PSMC1: variants seen among roughly 807,000 people sequenced by gnomAD.
PSMC1 encodes 26S proteasome regulatory subunit 4.
Under a neutral mutation model 49.8 loss-of-function variants are expected in PSMC1, and 5 were observed. The observed-to-expected ratio is 0.10, with a 90% CI of 0.05 to 0.21. The LOEUF (loss-of-function observed/expected upper bound fraction) is 0.21, where lower values mean the gene tolerates loss of function less well. Ranked by LOEUF, PSMC1 falls within the 10% of genes least tolerant of loss-of-function variation. The pLI, the probability that PSMC1 is intolerant of heterozygous loss-of-function variation, is 1.00. For missense variants in PSMC1, 181 were observed against 535.7 expected (o/e 0.34, Z 6.54); for synonymous variants, 155 against 192.1 (o/e 0.81, Z 1.60).
chr14:90,269,780 A>G (rs774580836), intron 9 of PSMC1: 6 of 438,922 alleles, frequency 1.4e-5, no homozygotes, highest in African/African-American at 4.0e-5. Context: ...TTTCTTTTCC[A>G]TAACATTCCC....
At position 90,256,615 on chromosome 14, in the gene PSMC1, G is replaced by T; in HGVS notation, c.3+15G>T. 1.9e-6 allele frequency: 3 copies of T among 1,588,038 alleles called. No homozygotes were observed. Among genetic ancestry groups the T allele is most frequent in the Non-Finnish European group, 2.6e-6 (3 of 1,166,922 alleles). ...AAGGCAAGATGGTGAGTGACTAAGG[G>T]TTTCTTTCCGCTGGTCGTCGCGGTG... On this transcript the variant is annotated intron_variant, in intron 1 of 10. Coordinates refer to ENST00000261303, the MANE Select transcript of PSMC1 (RefSeq NM_002802.3).
intron 1 of PSMC1, among the ~76,000 whole-genome samples, chr14:90,257,676 T>G (rs1373627481): frequency 2.6e-5 from 4 of 152,196 alleles, no homozygotes; most frequent in Non-Finnish European, 5.9e-5. Context: ...TGGCGCGATC[T>G]CCGCCTCCCG....
At chr14:90,266,779 G>C (rs1891527526) in intron 7 of PSMC1, among the ~76,000 whole-genome samples, 1 of 152,192 alleles carries the variant, frequency 6.6e-6, no homozygotes, top group Non-Finnish European at 1.5e-5. Flanking sequence ...CCACTGGAAA[G>C]GTCCTATTTG....
At position 90,272,659 on chromosome 14, in the gene PSMC1, C is replaced by A; in HGVS notation, c.*252C>A. 3 of 327,626 alleles carry A rather than the reference C, an allele frequency of 9.2e-6. No homozygotes were observed. The highest frequency in any genetic ancestry group is 1.8e-5 in the Non-Finnish European group (3 of 169,406). 20.3% of individuals were successfully genotyped at this position (327,626 alleles called of 1,614,324 possible). ...TTCTGCAGTCTCCACACACACCTAC[C>A]GCTCAACAGCAGCCTGTGGGTGGAC... is the stretch of plus-strand genomic sequence containing the variant. On this transcript the variant is annotated 3_prime_UTR_variant, in exon 11 of 11. Coordinates refer to ENST00000261303, the MANE Select transcript of PSMC1 (RefSeq NM_002802.3). The surrounding 1 kb of genome is among the most constrained non-coding windows in gnomAD (Gnocchi z 4.5).
At chr14:90,264,533 G>A (rs1891466922) in intron 6 of PSMC1, among the ~76,000 whole-genome samples, 1 of 152,212 alleles carries the variant, frequency 6.6e-6, no homozygotes, top group Non-Finnish European at 1.5e-5. Context: ...CAGCAGTGGG[G>A]TTGGAGCATA....
rs1224907437 is a variant in PSMC1, at chr14:90,272,066, G to A, written c.1189-207G>A. ...TGCCACCGTCCCTGGCTAACTTTTT[G>A]TATTTTTAGTAGAGATGGGGTTTCA... is the stretch of plus-strand genomic sequence containing the variant. On this transcript the variant is annotated intron_variant, in intron 10 of 10. Transcript: ENST00000261303. This position sits in a 1 kb window ranked among gnomAD's most constrained non-coding sequence, Gnocchi z 4.5. 2 of 391,588 alleles carry A rather than the reference G, an allele frequency of 5.1e-6. No homozygotes were observed. The highest frequency in any genetic ancestry group is 4.3e-5 in the African/African-American group (2 of 46,104). The allele number at this position is 391,588 out of a possible 1,614,324, so 24.3% of individuals were successfully genotyped here.
rs985368290 is a variant in PSMC1 at position 90,274,774 on chromosome 14, TTAAA to T, written c.*2370_*2373del. 25 of 135,918 alleles carry T rather than the reference TTAAA, an allele frequency of 1.8e-4. No homozygotes were observed. The highest frequency in any genetic ancestry group is 5.8e-4 in the African/African-American group (21 of 36,118). The allele number at this position is 135,918 out of a possible 1,614,324, so 8.4% of individuals were successfully genotyped here. On this transcript the variant is annotated 3_prime_UTR_variant, in exon 11 of 11. Transcript: ENST00000261303. ...TATTAATGGAATACAGTATAGCCCT[TTAAA>T]TAGGGAACTACACACACACACACAC...
chr14:90,270,666 G>T (rs1323128752), intron 10 of PSMC1: 2 of 224,654 alleles, frequency 8.9e-6, no homozygotes, highest in Non-Finnish European at 1.7e-5. Context: ...TCAGGGGAAG[G>T]GTATGTCCTG....
intron 1 of PSMC1, among the ~76,000 whole-genome samples, chr14:90,258,898 A>G (rs1043347702): frequency 6.6e-6 from 1 of 152,154 alleles, no homozygotes; most frequent in African/African-American, 2.4e-5. Flanking sequence ...CTACTTCTCA[A>G]TAGAGTTGTT....
intron 2 of PSMC1, 83 bp from the exon 3 acceptor site, chr14:90,260,032 A>T: frequency 2.5e-6 from 2 of 814,628 alleles, no homozygotes; most frequent in Non-Finnish European, 3.7e-6. Flanking sequence ...ACCTGAAAAT[A>T]GATGATGGTG....
intron 9 of PSMC1, 34 bp downstream of exon 9, chr14:90,269,582 AT>A (rs765987807): frequency 6.2e-7 from 1 of 1,605,354 alleles, no homozygotes; most frequent in Non-Finnish European, 8.5e-7. Flanking sequence ...ATGGAGATTA[AT>A]GTGTTTATAT....
chr14:90,263,197 A>C, intron 3 of PSMC1, 121 bp from the exon 4 acceptor site: 1 of 1,061,214 alleles, frequency 9.4e-7, no homozygotes, highest in Non-Finnish European at 1.3e-6. Flanking sequence ...TAGAGTTACC[A>C]AACTGAATTT....
intron 10 of PSMC1, chr14:90,271,892 ATTTTT>A (rs58641715): frequency 0.26 from 36,471 of 140,074 alleles, 5,040 homozygotes; most frequent in Middle Eastern, 0.43. Flanking sequence ...TTCAGAACAG[ATTTTT>A]TTTTTTTTTT....
At chr14:90,264,618 C>G (rs1891468749) in intron 6 of PSMC1, among the ~76,000 whole-genome samples, 2 of 152,318 alleles carry the variant, frequency 1.3e-5, no homozygotes, top group South Asian at 4.1e-4. Context: ...GCCGTCGGCT[C>G]TCTGCATGAT....
chr14:90,264,978 A>G, intron 6 of PSMC1, 92 bp from the exon 7 acceptor site: 1 of 937,556 alleles, frequency 1.1e-6, no homozygotes, highest in Non-Finnish European at 1.7e-6. Flanking sequence ...ATTTTTACTT[A>G]TTTTTGTTGA....
At chr14:90,259,305 TA>T in intron 2 of PSMC1, 92 bp downstream of exon 2, 1 of 1,227,726 alleles carries the variant, frequency 8.1e-7, no homozygotes, top group South Asian at 1.3e-5. Context: ...TCATGAATTT[TA>T]AAAAGTAGAA....
intron 3 of PSMC1, 21 bp from the exon 4 acceptor site, chr14:90,263,297 A>G: frequency 6.3e-7 from 1 of 1,579,990 alleles, no homozygotes; most frequent in East Asian, 2.2e-5. Flanking sequence ...CATATAATGA[A>G]ACTTTATATT....
In PSMC1 at chr14:90,270,366, C is replaced by T. The variant is rs764521026; in HGVS notation, c.1188+14C>T. The T allele has an allele frequency of 2.2e-5, 36 of 1,607,438 alleles. No homozygotes were observed. Among genetic ancestry groups the T allele is most frequent in the South Asian group, 1.9e-4 (17 of 90,538 alleles). ...GCTGACATCAAGGTGAGAGCCTAGC[C>T]GTGTCAGCTTATTTCTGGGAATGTG... is the stretch of plus-strand genomic sequence containing the variant. On this transcript the variant is annotated intron_variant, in intron 10 of 10. Coordinates refer to ENST00000261303, the MANE Select transcript of PSMC1 (RefSeq NM_002802.3).
intron 4 of PSMC1, 52 bp from the exon 5 acceptor site, chr14:90,263,610 C>T (rs1008664266): frequency 7.0e-5 from 111 of 1,576,562 alleles, no homozygotes; most frequent in South Asian, 2.9e-4. Context: ...CTATCAGGAT[C>T]ATCTACTTTG....
Sources: allele counts gnomAD v4.1 joint callset (sites outside exome capture counted in the v4.1 genomes callset), GRCh38; gene constraint gnomAD v4.1.1; non-coding constraint Gnocchi (gnomAD v3.1); transcripts MANE v1.5; gene names NCBI Gene and HGNC (gene_info 2026-07-23, HGNC 2026-07-21).